Variants in FTO observed in about 807,000 individuals in gnomAD.
FTO encodes FTO alpha-ketoglutarate dependent dioxygenase.
FTO carries 47 observed loss-of-function variants against 63.9 expected under a neutral mutation model. The observed-to-expected ratio is 0.74, with a 90% CI of 0.58 to 0.94. The LOEUF (loss-of-function observed/expected upper bound fraction) is 0.94, where lower values mean the gene tolerates loss of function less well. Ranked by LOEUF, FTO falls within the 40% of genes least tolerant of loss-of-function variation. The pLI, the probability that FTO is intolerant of heterozygous loss-of-function variation, is 0.00. For missense variants in FTO, 562 were observed against 618.1 expected (o/e 0.91, Z 0.96); for synonymous variants, 207 against 224.4 (o/e 0.92, Z 0.69).
chr16:53,879,987 G>A lies in FTO; in HGVS notation c.1119G>A (p.Glu373=). ...AACAAGGAGAAGAAATTCATAATGA[G>A]GTAAGGACTTTCTTTTTTTTTTTTT... is the stretch of plus-strand genomic sequence containing the variant. ...VLKQGEEIHN[E]VEFEWLRQFW... is the part of the protein sequence containing the mutation. Residue 373 remains glutamate, a splice_region_variant and synonymous_variant, in exon 6 of 9, where the codon GAG becomes GAA. Coordinates refer to ENST00000471389, the MANE Select transcript of FTO (RefSeq NM_001080432.3). 2 of 1,611,904 alleles carry A rather than the reference G, an allele frequency of 1.2e-6. No individual in the cohort carries two copies. The highest frequency in any genetic ancestry group is 1.7e-6 in the Non-Finnish European group (2 of 1,178,642).
intron 7 of FTO, among the ~76,000 whole-genome samples, chr16:53,925,400 C>G (rs1431050548): frequency 6.6e-6 from 1 of 151,904 alleles, no homozygotes; most frequent in Non-Finnish European, 1.5e-5. Context: ...ATGGGGAGGT[C>G]AGAAAGGTAC....
At chr16:53,879,722 G>T in intron 5 of FTO, 122 bp from the exon 6 acceptor site, 1,108 of 745,766 alleles carry the variant, frequency 1.5e-3, no homozygotes, top group Non-Finnish European at 2.3e-3. Context: ...AAGGAGTATA[G>T]ACTGAGCCAT....
intron 1 of FTO, among the ~76,000 whole-genome samples, chr16:53,791,054 T>C (rs1373186091): frequency 2.0e-5 from 3 of 152,200 alleles, no homozygotes; most frequent in Non-Finnish European, 4.4e-5. Flanking sequence ...TGCAAGTGAC[T>C]GTGCCCAGTG....
At chr16:53,826,717 T>C (rs771119150) in intron 3 of FTO, among the ~76,000 whole-genome samples, 1 of 152,204 alleles carries the variant, frequency 6.6e-6, no homozygotes, top group Non-Finnish European at 1.5e-5. Context: ...GGCTCATTGT[T>C]ATACTGTACT....
At chr16:54,029,854 A>G (rs1197954107) in intron 8 of FTO, among the ~76,000 whole-genome samples, 1 of 152,208 alleles carries the variant, frequency 6.6e-6, no homozygotes, top group Non-Finnish European at 1.5e-5. Flanking sequence ...TGAGAAAAGC[A>G]CTTATTAAAG....
At chr16:54,096,365 A>G (rs2086516459) in intron 8 of FTO, among the ~76,000 whole-genome samples, 1 of 152,216 alleles carries the variant, frequency 6.6e-6, no homozygotes, top group Non-Finnish European at 1.5e-5. Flanking sequence ...GGGGCTTGTT[A>G]ACATGACAAT....
chr16:53,942,147 A>G (rs1599046381), intron 8 of FTO, among the ~76,000 whole-genome samples: 1 of 152,292 alleles, frequency 6.6e-6, no homozygotes, highest in East Asian at 1.9e-4. Flanking sequence ...ATTCGAAGTC[A>G]GGATGGATCT....
intron 1 of FTO, among the ~76,000 whole-genome samples, chr16:53,708,234 C>T (rs1411861864): frequency 6.6e-6 from 1 of 152,090 alleles, no homozygotes; most frequent in African/African-American, 2.4e-5. Context: ...GGAGTGGTGG[C>T]ACATGCCTGT....
intron 1 of FTO, among the ~76,000 whole-genome samples, chr16:53,718,177 G>A (rs986352581): frequency 5.9e-5 from 9 of 151,936 alleles, no homozygotes; most frequent in Non-Finnish European, 4.4e-5. Flanking sequence ...ATTTATTTAA[G>A]TTTTATGATC....
chr16:53,786,941 C>A (rs141126322), intron 1 of FTO, among the ~76,000 whole-genome samples: 3 of 151,560 alleles, frequency 2.0e-5, no homozygotes, highest in Non-Finnish European at 2.9e-5. Flanking sequence ...GAAATCCCAT[C>A]TCTACTAAAA....
At chr16:54,008,711 G>T (rs902527188) in intron 8 of FTO, among the ~76,000 whole-genome samples, 1 of 151,208 alleles carries the variant, frequency 6.6e-6, no homozygotes, top group South Asian at 2.1e-4. Flanking sequence ...TACCCACTCC[G>T]GCATCCACAC....
intron 4 of FTO, among the ~76,000 whole-genome samples, chr16:53,872,855 T>C (rs1431715723): frequency 1.3e-5 from 2 of 152,200 alleles, no homozygotes; most frequent in Admixed American, 6.5e-5. Context: ...ATTACAACTC[T>C]CTTTTTTTGT....
intron 8 of FTO, among the ~76,000 whole-genome samples, chr16:53,960,410 GTT>G (rs1462775651): frequency 6.6e-6 from 1 of 152,164 alleles, no homozygotes; most frequent in Non-Finnish European, 1.5e-5. Flanking sequence ...CTGCCAACTT[GTT>G]TTATTTCTGA....
At chr16:54,097,457 C>T (rs1384045448) in intron 8 of FTO, among the ~76,000 whole-genome samples, 1 of 152,126 alleles carries the variant, frequency 6.6e-6, no homozygotes. Context: ...CCTCCTGCCT[C>T]AGCCTCCCAA....
At chr16:53,926,583 A>G (rs1343599727) in intron 7 of FTO, among the ~76,000 whole-genome samples, 1 of 152,210 alleles carries the variant, frequency 6.6e-6, no homozygotes, top group Non-Finnish European at 1.5e-5. Flanking sequence ...GCATAAAGAG[A>G]ATGATCAGCT....
intron 3 of FTO, among the ~76,000 whole-genome samples, chr16:53,842,970 C>T (rs1359579125): frequency 6.6e-6 from 1 of 152,196 alleles, no homozygotes; most frequent in Non-Finnish European, 1.5e-5. Context: ...CCACTGCGCC[C>T]AGTCTGTACT....
chr16:53,856,841 C>G (rs1288741102), intron 4 of FTO, among the ~76,000 whole-genome samples: 2 of 151,906 alleles, frequency 1.3e-5, no homozygotes, highest in East Asian at 3.9e-4. Context: ...AGTCCTTGGT[C>G]AATTCATTAT....
At chr16:53,815,653 T>G (rs1276573051) in intron 2 of FTO, among the ~76,000 whole-genome samples, 34 of 53,572 alleles carry the variant, frequency 6.3e-4, no homozygotes, top group African/African-American at 1.4e-3. Context: ...TTTTTTTTTT[T>G]TTTTTTTTTT....
chr16:53,785,919 A>G (rs1307471164), intron 1 of FTO, among the ~76,000 whole-genome samples: 1 of 150,670 alleles, frequency 6.6e-6, no homozygotes, highest in Non-Finnish European at 1.5e-5. Context: ...AAAAAGAAAA[A>G]AAAAAAAAAA....
Sources: gnomAD v4.1 joint callset for allele counts (sites outside exome capture counted in the v4.1 genomes callset) on GRCh38, gnomAD v4.1.1 for gene constraint, MANE v1.5 for transcripts, NCBI Gene and HGNC (gene_info 2026-07-23, HGNC 2026-07-21) for gene names.